DNAH12: variants seen among roughly 807,000 people sequenced by gnomAD.
DNAH12 encodes axonemal beta dynein heavy chain 12.
A neutral mutation model predicts 371.5 loss-of-function variants in DNAH12; 285 were observed. The ratio of observed to expected loss-of-function variants is 0.77; its 90% CI spans 0.70 to 0.85. The LOEUF (loss-of-function observed/expected upper bound fraction) is 0.85. Among genes scored for constraint, DNAH12 ranks in the 40% least tolerant of loss-of-function variants. The pLI is 0.00. For synonymous variants in DNAH12, 1,200 were observed against 1,213.0 expected, an observed-to-expected ratio of 0.99 and a Z score of 0.22; for missense variants, 3,611 against 3,689.4, an observed-to-expected ratio of 0.98 and a Z score of 0.55.
chr3:57,415,653 T>C, intron 37 of DNAH12, 89 bp from the exon 38 acceptor site: 1 of 1,291,012 alleles, frequency 7.7e-7, no homozygotes, highest in Non-Finnish European at 1.0e-6. Context: ...AAAGTGTACA[T>C]AAGAATCAAA....
At chr3:57,359,929 C>T (rs2062886725) in intron 58 of DNAH12, among the ~76,000 whole-genome samples, 1 of 152,086 alleles carries the variant, frequency 6.6e-6, no homozygotes, top group Admixed American at 6.6e-5. Flanking sequence ...TGTTTTAGCT[C>T]AAACCATATA....
chr3:57,472,433 T>G, intron 14 of DNAH12, 113 bp downstream of exon 14: 1 of 1,346,056 alleles, frequency 7.4e-7, no homozygotes, highest in African/African-American at 1.5e-5. Context: ...CAAACTCATA[T>G]TGACACACAA....
Position 57,507,670 on chromosome 3 carries a change from G to A in DNAH12, c.870C>T (p.Ser290=), listed in dbSNP as rs2067812452. Residue 290 remains serine (S), a synonymous_variant, in exon 8 of 74, where the codon AGC becomes AGT. Transcript: ENST00000495027. ...VKPEKLDAFY[S]CVSTLMSNQL... ...GATTTGACATAAGTGTGGAAACACA[G>A]CTATAAAATGCATCCAATTTTTCAG... 6 of 1,608,620 alleles carry A rather than the reference G, an allele frequency of 3.7e-6. No homozygotes were observed. Among genetic ancestry groups the A allele is most frequent in the Non-Finnish European group, 4.2e-6 (5 of 1,179,190 alleles).
intron 17 of DNAH12, among the ~76,000 whole-genome samples, chr3:57,465,746 G>T (rs774364869): frequency 4.0e-5 from 6 of 151,700 alleles, no homozygotes; most frequent in Non-Finnish European, 5.9e-5. Flanking sequence ...TACAAGAAAA[G>T]AAATCAATAA....
intron 13 of DNAH12, among the ~76,000 whole-genome samples, chr3:57,482,313 A>G (rs1559706674): frequency 6.6e-6 from 1 of 152,238 alleles, no homozygotes; most frequent in Non-Finnish European, 1.5e-5. Context: ...CAAAAGACAC[A>G]TGAAAAAATG....
intron 62 of DNAH12, among the ~76,000 whole-genome samples, chr3:57,328,555 G>T (rs978559995): frequency 1.3e-5 from 2 of 151,914 alleles, no homozygotes; most frequent in African/African-American, 4.8e-5. Flanking sequence ...TTGATGGGAT[G>T]TATCTGAAAA....
intron 65 of DNAH12, among the ~76,000 whole-genome samples, chr3:57,321,114 T>G (rs925947580): frequency 6.6e-6 from 1 of 152,212 alleles, no homozygotes; most frequent in African/African-American, 2.4e-5. Flanking sequence ...GAGCTTAGAA[T>G]CTTTCAAAAT....
intron 62 of DNAH12, among the ~76,000 whole-genome samples, chr3:57,330,055 AG>A (rs1367735437): frequency 6.6e-6 from 1 of 151,822 alleles, no homozygotes; most frequent in African/African-American, 2.4e-5. Flanking sequence ...TTAAAAAGTC[AG>A]GAAACAACAG....
At chr3:57,459,481 T>C (rs1167621044) in intron 20 of DNAH12, 111 bp downstream of exon 20, 45 of 1,056,286 alleles carry the variant, frequency 4.3e-5, no homozygotes, top group Non-Finnish European at 5.7e-5. Flanking sequence ...CTTTCCAGTT[T>C]GTATACAATG....
chr3:57,406,839 G>A (rs1042517728), intron 40 of DNAH12, among the ~76,000 whole-genome samples: 6 of 152,142 alleles, frequency 3.9e-5, no homozygotes, highest in African/African-American at 9.6e-5. Flanking sequence ...GAAGTTTAAC[G>A]TTCTCTTAAA....
At chr3:57,326,350 CA>C (rs1371369128) in intron 62 of DNAH12, among the ~76,000 whole-genome samples, 1 of 152,212 alleles carries the variant, frequency 6.6e-6, no homozygotes, top group Non-Finnish European at 1.5e-5. Context: ...ATCAGACTAA[CA>C]GCTGAGCTCT....
chr3:57,393,018 C>CT (rs1217022384), intron 44 of DNAH12, among the ~76,000 whole-genome samples: 1 of 152,114 alleles, frequency 6.6e-6, no homozygotes, highest in Non-Finnish European at 1.5e-5. Context: ...GTTTTGTCCT[C>CT]TTTTATCCCT....
intron 69 of DNAH12, among the ~76,000 whole-genome samples, chr3:57,304,388 A>G (rs759369768): frequency 2.0e-5 from 3 of 152,140 alleles, no homozygotes; most frequent in African/African-American, 7.2e-5. Context: ...AGCCCAAGGA[A>G]TATCTCACCA....
At chr3:57,411,526 C>CAAAAAAAAAAAAAAAAA (rs57344840) in intron 39 of DNAH12, among the ~76,000 whole-genome samples, 1 of 39,156 alleles carries the variant, frequency 2.6e-5, no homozygotes, top group Non-Finnish European at 5.1e-5. Flanking sequence ...GACACTGTCT[C>CAAAAAAAAAAAAAAAAA]AAAAAAAAAA....
intron 42 of DNAH12, among the ~76,000 whole-genome samples, chr3:57,404,440 G>C (rs782137959): frequency 6.6e-6 from 1 of 152,214 alleles, no homozygotes; most frequent in Non-Finnish European, 1.5e-5. Context: ...TTTCGGCCAG[G>C]TGTGGTGGCT....
chr3:57,393,444 G>A (rs980748441), intron 44 of DNAH12, among the ~76,000 whole-genome samples: 61 of 151,844 alleles, frequency 4.0e-4, no homozygotes, highest in Admixed American at 9.8e-4. Flanking sequence ...TGGCTAACAC[G>A]GTGAAACCTC....
At chr3:57,457,358 G>A (rs1312024627) in intron 22 of DNAH12, among the ~76,000 whole-genome samples, 1 of 148,894 alleles carries the variant, frequency 6.7e-6, no homozygotes, top group Non-Finnish European at 1.5e-5. Flanking sequence ...TGATTCCAGG[G>A]GCTTTACGTA....
intron 2 of DNAH12, among the ~76,000 whole-genome samples, chr3:57,534,339 T>C (rs1445405608): frequency 1.3e-5 from 2 of 152,030 alleles, no homozygotes; most frequent in Non-Finnish European, 2.9e-5. Context: ...CTCATCTGAT[T>C]TTTTGGTTCT....
intron 55 of DNAH12, among the ~76,000 whole-genome samples, chr3:57,371,941 C>CAAAAAAAGAAAAAAAAAAAAAAAA (rs2063181534): frequency 3.9e-5 from 1 of 25,848 alleles, no homozygotes; most frequent in Non-Finnish European, 7.8e-5. Context: ...CTAAACTCAG[C>CAAAAAAAGAAAAAAAAAAAAAAAA]AAAAAAAAAA....
Sources: gnomAD v4.1 joint callset for allele counts (sites outside exome capture counted in the v4.1 genomes callset) on GRCh38, gnomAD v4.1.1 for gene constraint, MANE v1.5 for transcripts, NCBI Gene and HGNC (gene_info 2026-07-23, HGNC 2026-07-21) for gene names.